KCNMA1: variants seen among roughly 807,000 people sequenced by gnomAD.
KCNMA1 encodes the protein Calcium-activated potassium channel subunit alpha-1.
In KCNMA1, 29 loss-of-function variants were observed where a neutral mutation model predicts 140.0. The observed-to-expected ratio is 0.21, with a 90% CI of 0.15 to 0.28. The LOEUF (loss-of-function observed/expected upper bound fraction) is 0.28. Among genes scored for constraint, KCNMA1 ranks in the 10% least tolerant of loss-of-function variants. KCNMA1 has a pLI of 1.00. For missense variants in KCNMA1, 880 were observed against 1,602.2 expected, an observed-to-expected ratio of 0.55 and a Z score of 7.70; for synonymous variants, 612 against 611.9, an observed-to-expected ratio of 1.00 and a Z score of 0.00.
chr10:77,634,716 AT>A (rs1467315662), intron 1 of KCNMA1: 2 of 901,060 alleles, frequency 2.2e-6, no homozygotes, highest in Non-Finnish European at 2.7e-6. Flanking sequence ...AGCCAAATAC[AT>A]GCCTGTGTAT....
intron 2 of KCNMA1, among the ~76,000 whole-genome samples, chr10:77,251,939 T>C (rs1226060238): frequency 2.0e-5 from 3 of 152,222 alleles, no homozygotes; most frequent in Non-Finnish European, 4.4e-5. Context: ...CGTGTGTGTA[T>C]GTGTGGACAT....
chr10:76,885,710 T>G lies in KCNMA1; in HGVS notation c.*1556A>C. The stretch of plus-strand genomic sequence containing the variant: ...CATCCATAAGGGAAATTGGTTATGG[T>G]GAATTGGCCAGTTTTTAAGAAATAC... On this transcript the variant is annotated 3_prime_UTR_variant, in exon 28 of 28. Transcript: ENST00000286628. The G allele has an allele frequency of 1.0e-6, 1 of 985,338 alleles. No homozygotes were observed. The highest frequency in any genetic ancestry group is 1.2e-6 in the Non-Finnish European group (1 of 829,896). The allele number at this position is 985,338 out of a possible 1,614,324, so 61.0% of individuals were successfully genotyped here.
At chr10:76,924,127 T>C (rs2056926920) in intron 23 of KCNMA1, among the ~76,000 whole-genome samples, 2 of 152,242 alleles carry the variant, frequency 1.3e-5, no homozygotes, top group Non-Finnish European at 2.9e-5. Flanking sequence ...CATAATTTCC[T>C]TACATTAAAA....
intron 2 of KCNMA1, among the ~76,000 whole-genome samples, chr10:77,252,368 G>T (rs7086619): frequency 1.1e-4 from 16 of 152,096 alleles, no homozygotes; most frequent in Non-Finnish European, 2.1e-4. Flanking sequence ...TGGCTGCTAG[G>T]TCAACCTTTC....
At chr10:77,074,987 G>A (rs926961992) in intron 13 of KCNMA1, among the ~76,000 whole-genome samples, 2 of 152,224 alleles carry the variant, frequency 1.3e-5, no homozygotes, top group Non-Finnish European at 2.9e-5. Context: ...GCAAGTCCAA[G>A]GGTTCCACAC....
chr10:77,049,728 A>G (rs944151268), intron 14 of KCNMA1, among the ~76,000 whole-genome samples: 3 of 152,216 alleles, frequency 2.0e-5, no homozygotes, highest in African/African-American at 7.2e-5. Context: ...CAATAACTTC[A>G]TAGCGTTTAG....
intron 1 of KCNMA1, among the ~76,000 whole-genome samples, chr10:77,552,432 A>G (rs1274999278): frequency 1.3e-5 from 2 of 152,200 alleles, no homozygotes; most frequent in African/African-American, 4.8e-5. Context: ...GATGTAGGGA[A>G]GACTAAAAGG....
chr10:77,025,789 T>C (rs1009864235), intron 16 of KCNMA1, among the ~76,000 whole-genome samples: 9 of 152,052 alleles, frequency 5.9e-5, no homozygotes. Flanking sequence ...TTAAAAAATG[T>C]GTGTTTTCAC....
intron 5 of KCNMA1, among the ~76,000 whole-genome samples, chr10:77,179,292 A>C (rs544529523): frequency 1.3e-5 from 2 of 152,266 alleles, no homozygotes; most frequent in East Asian, 3.9e-4. Context: ...GCTGAGCTTT[A>C]ATCTACTCTG....
At chr10:77,561,420 T>C (rs761889943) in intron 1 of KCNMA1, among the ~76,000 whole-genome samples, 2 of 152,176 alleles carry the variant, frequency 1.3e-5, no homozygotes, top group Non-Finnish European at 2.9e-5. Flanking sequence ...GATTATGAAT[T>C]GAGGTAAGAA....
At chr10:77,161,566 C>T (rs1007033822) in intron 5 of KCNMA1, among the ~76,000 whole-genome samples, 1 of 152,150 alleles carries the variant, frequency 6.6e-6, no homozygotes, top group African/African-American at 2.4e-5. Context: ...GTAGTTACTG[C>T]ATTGCACCAG....
chr10:76,906,762 C>A (rs2047989890), intron 25 of KCNMA1, among the ~76,000 whole-genome samples: 1 of 151,984 alleles, frequency 6.6e-6, no homozygotes, highest in Admixed American at 6.5e-5. Context: ...TAGTTACTGC[C>A]TTGGCACTTG....
intron 5 of KCNMA1, among the ~76,000 whole-genome samples, chr10:77,168,028 T>C (rs1392379681): frequency 6.6e-6 from 1 of 152,194 alleles, no homozygotes; most frequent in African/African-American, 2.4e-5. Flanking sequence ...GCTCCTAGCC[T>C]ATTTATAACA....
chr10:77,299,544 C>A (rs780115970), intron 2 of KCNMA1, among the ~76,000 whole-genome samples: 11 of 152,142 alleles, frequency 7.2e-5, no homozygotes, highest in Non-Finnish European at 1.3e-4. Flanking sequence ...GTCGGTGTAA[C>A]CTATCAAGCT....
chr10:76,977,169 C>T (rs528926450), intron 19 of KCNMA1, among the ~76,000 whole-genome samples: 100 of 152,244 alleles, frequency 6.6e-4, no homozygotes, highest in Middle Eastern at 6.8e-3. Flanking sequence ...TTGCAGTCCG[C>T]GTTTGTGAGG....
chr10:77,119,284 G>T (rs181232608), intron 6 of KCNMA1, among the ~76,000 whole-genome samples: 2 of 152,260 alleles, frequency 1.3e-5, no homozygotes, highest in Non-Finnish European at 2.9e-5. Context: ...GTTCTAAAAC[G>T]GTCCAGGGAG....
chr10:76,975,757 A>G (rs2077307856), intron 19 of KCNMA1, among the ~76,000 whole-genome samples: 1 of 152,228 alleles, frequency 6.6e-6, no homozygotes, highest in Non-Finnish European at 1.5e-5. Context: ...TTTGATAAGC[A>G]CTGCAGTATT....
intron 1 of KCNMA1, among the ~76,000 whole-genome samples, chr10:77,508,223 G>A (rs1180496925): frequency 2.0e-5 from 3 of 152,028 alleles, no homozygotes; most frequent in Non-Finnish European, 4.4e-5. Context: ...TCACCCAGCC[G>A]GCAATGCAGT....
rs1044074725 is a variant in KCNMA1 at position 77,349,964 on chromosome 10, G to A, written c.540+53898C>T. ...CCTGGAGTATAGTGGTACGATCTCG[G>A]CTTGGCTCACCGCAACCTCTGCCTC... is the stretch of plus-strand genomic sequence containing the variant. On this transcript the variant is annotated intron_variant, in intron 2 of 27. Transcript: ENST00000286628. Among the ~76,000 whole-genome samples the A allele has an allele frequency of 3.3e-5, 5 of 152,046 alleles. No individual in the cohort carries two copies. In the East Asian group the frequency reaches 9.7e-4, roughly 29 times the overall value.
Sources: gnomAD v4.1 joint callset for allele counts (sites outside exome capture counted in the v4.1 genomes callset) on GRCh38, gnomAD v4.1.1 for gene constraint, MANE v1.5 for transcripts, NCBI Gene and HGNC (gene_info 2026-07-23, HGNC 2026-07-21) for gene names.